Variants in XYLT1 observed in about 807,000 individuals in gnomAD.
XYLT1 encodes xylosyltransferase 1, also known as beta-D-xylosyltransferase 1.
In XYLT1, 36 loss-of-function variants were observed where a neutral mutation model predicts 91.3. That is an observed-to-expected ratio of 0.39 (90% CI 0.30 to 0.52). The LOEUF is 0.52. Ranked by LOEUF, XYLT1 falls within the 20% of genes least tolerant of loss-of-function variation. The probability of loss-of-function intolerance (pLI) is 0.68; values close to 1 mark genes in which losing one functional copy is unlikely to be tolerated. For synonymous variants in XYLT1, 588 were observed against 532.0 expected (o/e 1.11, Z -1.45); for missense variants, 1,242 against 1,284.5 (o/e 0.97, Z 0.51).
intron 1 of XYLT1, among the ~76,000 whole-genome samples, chr16:17,379,761 T>A (rs150188475): frequency 0.32 from 36,040 of 112,634 alleles, 5,268 homozygotes; most frequent in Non-Finnish European, 0.37. Context: ...TCTCTCTCTC[T>A]CTCACACACA....
At chr16:17,413,939 C>A (rs904863519) in intron 1 of XYLT1, among the ~76,000 whole-genome samples, 1 of 152,150 alleles carries the variant, frequency 6.6e-6, no homozygotes, top group Non-Finnish European at 1.5e-5. Context: ...AACCTGGGGC[C>A]AGGTAGCAGG....
intron 2 of XYLT1, among the ~76,000 whole-genome samples, chr16:17,348,480 A>T (rs1404768556): frequency 6.6e-6 from 1 of 152,120 alleles, no homozygotes; most frequent in East Asian, 1.9e-4. Context: ...TGCCACTCCC[A>T]AACTCTGTGG....
chr16:17,338,506 T>A (rs1186801810), intron 2 of XYLT1: 3 of 456,412 alleles, frequency 6.6e-6, no homozygotes, highest in South Asian at 4.6e-5. Context: ...AGCCTTGTGC[T>A]CCATGAATAT....
chr16:17,280,008 C>G (rs758684619), intron 2 of XYLT1, among the ~76,000 whole-genome samples: 1 of 152,166 alleles, frequency 6.6e-6, no homozygotes, highest in African/African-American at 2.4e-5. Context: ...TCTCAACCAC[C>G]TCTCCATCAT....
chr16:17,432,098 GT>G (rs1321225753), intron 1 of XYLT1, among the ~76,000 whole-genome samples: 1 of 152,152 alleles, frequency 6.6e-6, no homozygotes, highest in Non-Finnish European at 1.5e-5. Context: ...AAAATGGCTG[GT>G]TCCACTCAAA....
chr16:17,293,477 A>G (rs1049962584), intron 2 of XYLT1, among the ~76,000 whole-genome samples: 29 of 148,240 alleles, frequency 2.0e-4, no homozygotes, highest in Admixed American at 6.7e-5. Context: ...TTTAACATAA[A>G]GATTTTCTCC....
At position 17,454,845 on chromosome 16, in the gene XYLT1, G is replaced by A. The variant is rs934384593; in HGVS notation, c.363+15589C>T. ...ATGAGCCACCATGCCCAGTCAATTTGTGGACACAAATTTGAATTTCATATA... is the reference window on the plus strand; with the variant it reads ...ATGAGCCACCATGCCCAGTCAATTTATGGACACAAATTTGAATTTCATATA... On this transcript the variant is annotated intron_variant, in intron 1 of 11. Coordinates refer to ENST00000261381, the MANE Select transcript of XYLT1 (RefSeq NM_022166.4). 3.6e-5 allele frequency among the ~76,000 whole-genome samples: 5 copies of A among 138,014 alleles called. No homozygotes were observed. In the South Asian group the frequency reaches 9.1e-4, roughly 25 times the overall value. 90.5% of individuals were successfully genotyped at this position (138,014 alleles called of 152,430 possible).
intron 1 of XYLT1, among the ~76,000 whole-genome samples, chr16:17,445,330 C>T (rs1187058927): frequency 4.6e-5 from 7 of 152,226 alleles, no homozygotes; most frequent in Admixed American, 1.3e-4. Context: ...GTGCCTGGCA[C>T]GTAGAGGCTG....
At chr16:17,180,033 C>G (rs980133657) in intron 5 of XYLT1, among the ~76,000 whole-genome samples, 1 of 152,214 alleles carries the variant, frequency 6.6e-6, no homozygotes, top group Non-Finnish European at 1.5e-5. Context: ...CCTTCTCTTG[C>G]AAATGGGGAC....
intron 1 of XYLT1, among the ~76,000 whole-genome samples, chr16:17,447,777 A>C (rs2036611795): frequency 6.6e-6 from 1 of 150,778 alleles, no homozygotes; most frequent in Non-Finnish European, 1.5e-5. Context: ...GCCACTTTTC[A>C]CCCTCTAAGC....
intron 2 of XYLT1, among the ~76,000 whole-genome samples, chr16:17,318,547 AGAT>A (rs1380945572): frequency 6.6e-6 from 1 of 152,228 alleles, no homozygotes; most frequent in African/African-American, 2.4e-5. Context: ...CCGCATGCAA[AGAT>A]GATGTTTGTG....
Position 17,470,605 on chromosome 16 carries a change from G to T in XYLT1, c.192C>A (p.Arg64=). ...CGGCGGGCAGGTCCCGGCGCTCCCG[G>T]CGCGGGGCCGGGGCCGGGGGCGGCT... is the stretch of plus-strand genomic sequence containing the variant. ...GEQPPPAPAP[R]RERRDLPAEP... The change falls in exon 1 of 12, where the codon CGC becomes CGA. Residue 64 remains arginine, a synonymous_variant. Coordinates refer to ENST00000261381, the MANE Select transcript of XYLT1 (RefSeq NM_022166.4). The T allele has an allele frequency of 3.5e-6, 4 of 1,151,558 alleles. No homozygotes were observed. The highest frequency in any genetic ancestry group is 3.2e-6 in the Non-Finnish European group (3 of 938,200). 71.3% of individuals were successfully genotyped at this position (1,151,558 alleles called of 1,614,324 possible).
At chr16:17,230,091 C>T (rs2033135604) in intron 3 of XYLT1, among the ~76,000 whole-genome samples, 2 of 152,214 alleles carry the variant, frequency 1.3e-5, no homozygotes, top group African/African-American at 4.8e-5. Context: ...CCTCTAGAAC[C>T]AACCAACCCT....
At chr16:17,213,626 C>A (rs1271818126) in intron 3 of XYLT1, among the ~76,000 whole-genome samples, 1 of 148,912 alleles carries the variant, frequency 6.7e-6, no homozygotes, top group African/African-American at 2.5e-5. Context: ...CTTTTCTTTT[C>A]TTTTTTTTTT....
chr16:17,116,606 T>A (rs1289088232), intron 11 of XYLT1, among the ~76,000 whole-genome samples: 1 of 152,244 alleles, frequency 6.6e-6, no homozygotes, highest in African/African-American at 2.4e-5. Flanking sequence ...TCTGGTTTTG[T>A]GCTATTAAGA....
chr16:17,314,370 C>A (rs2034593745), intron 2 of XYLT1, among the ~76,000 whole-genome samples: 1 of 152,166 alleles, frequency 6.6e-6, no homozygotes, highest in African/African-American at 2.4e-5. Flanking sequence ...AGTCAGCCCA[C>A]CCCGCTGCAC....
At chr16:17,420,255 C>G (rs2036235367) in intron 1 of XYLT1, among the ~76,000 whole-genome samples, 1 of 152,110 alleles carries the variant, frequency 6.6e-6, no homozygotes, top group Admixed American at 6.5e-5. Context: ...TTCGTATTTT[C>G]AAGAAATGAT....
intron 3 of XYLT1, among the ~76,000 whole-genome samples, chr16:17,226,283 G>C (rs1005971485): frequency 2.0e-5 from 3 of 152,180 alleles, no homozygotes; most frequent in African/African-American, 4.8e-5. Context: ...CAGTTACAGA[G>C]CCACATACCG....
chr16:17,256,907 T>C (rs777755286), intron 3 of XYLT1, among the ~76,000 whole-genome samples: 3 of 152,178 alleles, frequency 2.0e-5, no homozygotes, highest in South Asian at 2.1e-4. Context: ...TGCCTTGACA[T>C]TGAGCAGCAC....
Sources: allele counts gnomAD v4.1 joint callset (sites outside exome capture counted in the v4.1 genomes callset), GRCh38; gene constraint gnomAD v4.1.1; transcripts MANE v1.5; gene names NCBI Gene and HGNC (gene_info 2026-07-23, HGNC 2026-07-21).